Variants in RSRC2 observed in about 807,000 individuals in gnomAD.
The protein encoded by RSRC2 is arginine/serine-rich coiled-coil protein 2.
RSRC2 carries 5 observed loss-of-function variants against 61.3 expected under a neutral mutation model. The observed-to-expected ratio is 0.08, with a 90% CI of 0.04 to 0.17. RSRC2 has a LOEUF of 0.17. Ranked by LOEUF, RSRC2 falls within the 10% of genes least tolerant of loss-of-function variation. The pLI is 1.00. For missense variants in RSRC2, 381 were observed against 518.8 expected, an observed-to-expected ratio of 0.73 and a Z score of 2.58; for synonymous variants, 202 against 166.5, an observed-to-expected ratio of 1.21 and a Z score of -1.64.
intron 1 of RSRC2, among the ~76,000 whole-genome samples, chr12:122,526,553 G>C (rs1264841130): frequency 6.6e-6 from 1 of 152,138 alleles, no homozygotes; most frequent in Non-Finnish European, 1.5e-5. Flanking sequence ...TCACTAGCCA[G>C]GGTGAATAAG....
rs886933983 is a variant in RSRC2, at chr12:122,504,648, T to C, written c.*879A>G. The C allele has an allele frequency of 6.6e-6, 1 of 152,488 alleles. No homozygotes were observed. The highest frequency in any genetic ancestry group is 2.4e-5 in the African/African-American group (1 of 41,408). The allele number at this position is 152,488 out of a possible 1,614,324, so 9.4% of individuals were successfully genotyped here. A position where few individuals can be genotyped will look rare whatever the true frequency, so the allele number is the denominator to read the frequency against. On this transcript the variant is annotated 3_prime_UTR_variant, in exon 10 of 10. Transcript: ENST00000331738. ...GTCTCAAAAAAACAAACAAAAAAAATTTCTAATATTTTAATATTTTATAGT... is the reference window on the plus strand; with the variant it reads ...GTCTCAAAAAAACAAACAAAAAAAACTTCTAATATTTTAATATTTTATAGT...
intron 6 of RSRC2, 79 bp from the exon 7 acceptor site, chr12:122,511,267 C>T (rs1958488935): frequency 9.9e-7 from 1 of 1,009,408 alleles, no homozygotes; most frequent in East Asian, 2.7e-5. Context: ...TGTGCATGTA[C>T]AGAGACAAGC....
At chr12:122,511,056 A>C in intron 7 of RSRC2, 53 bp downstream of exon 7, 1 of 1,371,296 alleles carries the variant, frequency 7.3e-7, no homozygotes, top group South Asian at 1.2e-5. Context: ...GAAAAACAAA[A>C]AAGCTTGAAA....
intron 6 of RSRC2, among the ~76,000 whole-genome samples, chr12:122,512,584 T>C (rs1292406616): frequency 1.3e-5 from 2 of 151,772 alleles, no homozygotes; most frequent in Non-Finnish European, 2.9e-5. Context: ...TACAAAAAAT[T>C]AGCAGGGCGT....
At chr12:122,514,369 A>T (rs1285142551) in intron 6 of RSRC2, among the ~76,000 whole-genome samples, 3 of 150,678 alleles carry the variant, frequency 2.0e-5, no homozygotes, top group Non-Finnish European at 4.4e-5. Flanking sequence ...GGTTCAAGCG[A>T]TTCTCGTGCC....
At chr12:122,511,316 C>A in intron 6 of RSRC2, 128 bp from the exon 7 acceptor site, 1 of 577,942 alleles carries the variant, frequency 1.7e-6, no homozygotes. Flanking sequence ...CATCCCTCCA[C>A]CGATAGCCGT....
chr12:122,512,470 G>C (rs543663676), intron 6 of RSRC2, among the ~76,000 whole-genome samples: 2 of 152,330 alleles, frequency 1.3e-5, no homozygotes, highest in East Asian at 3.9e-4. Flanking sequence ...CCTCTCGCCT[G>C]TAATTCCAAC....
At chr12:122,513,886 AC>A in intron 6 of RSRC2, 3 of 878,090 alleles carry the variant, frequency 3.4e-6, no homozygotes, top group Non-Finnish European at 4.1e-6. Context: ...TACAAAAAAT[AC>A]AAAAATTAGC....
intron 1 of RSRC2, among the ~76,000 whole-genome samples, chr12:122,525,518 A>G (rs547819491): frequency 2.6e-5 from 4 of 152,070 alleles, no homozygotes; most frequent in Non-Finnish European, 4.4e-5. Flanking sequence ...GGTATGGGGG[A>G]AAAAGAAAAT....
rs760095211 is a variant in RSRC2 at position 122,508,521 on chromosome 12, C to A, written c.806-74G>T. The A allele has an allele frequency of 2.3e-5, 27 of 1,191,266 alleles. No homozygotes were observed. The Middle Eastern group carries it at 9.8e-4, about 43-fold the overall frequency. 73.8% of individuals were successfully genotyped at this position (1,191,266 alleles called of 1,614,324 possible). On this transcript the variant is annotated intron_variant, in intron 7 of 9. Transcript: ENST00000331738. ...AAACCTCCTGATTTACATTAACGAACGATTTATAAAAAGCTATGAATGTGC... is the reference window on the plus strand; with the variant it reads ...AAACCTCCTGATTTACATTAACGAAAGATTTATAAAAAGCTATGAATGTGC...
Position 122,511,106 on chromosome 12 carries a change from T to C in RSRC2, c.805+3A>G. 1.9e-6 allele frequency: 3 copies of C among 1,592,678 alleles called. No homozygotes were observed. The highest frequency in any genetic ancestry group is 2.6e-6 in the Non-Finnish European group (3 of 1,172,580). On this transcript the variant is annotated splice_donor_region_variant and intron_variant, in intron 7 of 9. Coordinates refer to ENST00000331738, the MANE Select transcript of RSRC2 (RefSeq NM_023012.6). The stretch of plus-strand genomic sequence containing the variant: ...ATGACTAAAAAAGAATGAAAAAAAT[T>C]ACCTGCAGCTATTTCTTGTTGTTTT...
chr12:122,525,621 T>C (rs944956978), intron 1 of RSRC2, among the ~76,000 whole-genome samples: 5 of 152,148 alleles, frequency 3.3e-5, no homozygotes, highest in African/African-American at 1.2e-4. Context: ...TCGAAAATGA[T>C]GTAATTTTTT....
intron 2 of RSRC2, 58 bp downstream of exon 2, chr12:122,522,085 C>T: frequency 6.7e-7 from 1 of 1,490,426 alleles, no homozygotes; most frequent in African/African-American, 1.4e-5. Flanking sequence ...TCTTATACAA[C>T]AGGTCTACAT....
chr12:122,518,830 A>G lies in RSRC2; in HGVS notation c.398+9T>C. 4 of 1,609,478 alleles carry G rather than the reference A, an allele frequency of 2.5e-6. No individual in the cohort carries two copies. The highest frequency in any genetic ancestry group is 1.1e-5 in the South Asian group (1 of 90,996). ...AGAAGGTACTACATTATAATACAAC[A>G]TGACTTACCTTTCACGAGACCTAGA... On this transcript the variant is annotated intron_variant, in intron 4 of 9. Transcript: ENST00000331738.
intron 1 of RSRC2, 27 bp downstream of exon 1, chr12:122,526,821 G>C (rs773348481): frequency 1.9e-6 from 3 of 1,613,814 alleles, no homozygotes; most frequent in Non-Finnish European, 2.5e-6. Context: ...AAATATCCCT[G>C]GCTTTAAACT....
rs1264189296 is a variant in RSRC2, at chr12:122,526,861, A to G, written c.-8T>C. On this transcript the variant is annotated 5_prime_UTR_variant, in exon 1 of 10. Coordinates refer to ENST00000331738, the MANE Select transcript of RSRC2 (RefSeq NM_023012.6). Reference sequence around the variant, plus strand: ...TTCGGTACCTACCGCCATAGTTCAGAGTCCCGGCCGCTAGAGCGGCGCCTC... The same window carrying G: ...TTCGGTACCTACCGCCATAGTTCAGGGTCCCGGCCGCTAGAGCGGCGCCTC... 2 of 1,614,238 alleles carry G rather than the reference A, an allele frequency of 1.2e-6. No individual in the cohort carries two copies. Among genetic ancestry groups the G allele is most frequent in the East Asian group, 4.5e-5 (2 of 44,882 alleles).
chr12:122,508,486 T>C, intron 7 of RSRC2, 39 bp from the exon 8 acceptor site: 1 of 1,479,352 alleles, frequency 6.8e-7, no homozygotes, highest in East Asian at 2.3e-5. Context: ...TTAAAACGAT[T>C]TTAAAACATA....
intron 2 of RSRC2, 21 bp from the exon 3 acceptor site, chr12:122,521,449 T>C (rs778376673): frequency 6.3e-7 from 1 of 1,597,198 alleles, no homozygotes; most frequent in Non-Finnish European, 8.6e-7. Context: ...ACAAAAAAAA[T>C]AATCACCATA....
intron 1 of RSRC2, chr12:122,523,376 A>T (rs1000079184): frequency 6.6e-6 from 1 of 152,072 alleles, no homozygotes; most frequent in Admixed American, 6.6e-5. Flanking sequence ...ATTAGCCAAG[A>T]GTGGTGGGGC....
Sources: allele counts gnomAD v4.1 joint callset (sites outside exome capture counted in the v4.1 genomes callset), GRCh38; gene constraint gnomAD v4.1.1; transcripts MANE v1.5; gene names NCBI Gene and HGNC (gene_info 2026-07-23, HGNC 2026-07-21).